Variants in PIK3C2G observed in about 807,000 individuals in gnomAD.
The protein encoded by PIK3C2G is phosphatidylinositol 3-kinase C2 domain-containing subunit gamma.
In PIK3C2G, 168 loss-of-function variants were observed where a neutral mutation model predicts 181.1. The observed-to-expected ratio is 0.93, with a 90% CI of 0.82 to 1.05. PIK3C2G has a LOEUF of 1.05. Among genes scored for constraint, PIK3C2G ranks in the 50% least tolerant of loss-of-function variants. The pLI, the probability that PIK3C2G is intolerant of heterozygous loss-of-function variation, is 0.00. For missense variants in PIK3C2G, 1,869 were observed against 1,732.8 expected, an observed-to-expected ratio of 1.08 and a Z score of -1.40; for synonymous variants, 573 against 592.2, an observed-to-expected ratio of 0.97 and a Z score of 0.47.
intron 5 of PIK3C2G, among the ~76,000 whole-genome samples, chr12:18,294,625 C>A (rs1949854926): frequency 6.6e-6 from 1 of 151,918 alleles, no homozygotes; most frequent in South Asian, 2.1e-4. Flanking sequence ...AAAAAATCAT[C>A]TTTTAGTTTA....
intron 16 of PIK3C2G, among the ~76,000 whole-genome samples, chr12:18,412,681 T>A (rs768765099): frequency 6.6e-6 from 1 of 152,248 alleles, no homozygotes; most frequent in Non-Finnish European, 1.5e-5. Context: ...CTGAATTTAT[T>A]TCTAATATAA....
intron 31 of PIK3C2G, among the ~76,000 whole-genome samples, chr12:18,629,706 C>G (rs1430706681): frequency 6.6e-6 from 1 of 152,106 alleles, no homozygotes; most frequent in Non-Finnish European, 1.5e-5. Context: ...GACATGATTA[C>G]TCCTGATTAG....
At chr12:18,562,427 G>A (rs1945399959) in intron 26 of PIK3C2G, among the ~76,000 whole-genome samples, 1 of 152,094 alleles carries the variant, frequency 6.6e-6, no homozygotes, top group African/African-American at 2.4e-5. Flanking sequence ...CCACCGCGCC[G>A]GGCCACAACA....
chr12:18,274,958 T>A (rs1379388392), intron 1 of PIK3C2G, among the ~76,000 whole-genome samples: 1 of 152,206 alleles, frequency 6.6e-6, no homozygotes, highest in Non-Finnish European at 1.5e-5. Context: ...ATATATTTAA[T>A]TCTCACCAAC....
the PIK3C2G span, among the ~76,000 whole-genome samples, chr12:18,687,842 AT>A: frequency 1.2e-4 from 18 of 151,976 alleles, no homozygotes; most frequent in East Asian, 1.6e-3. Context: ...AAAGAGGTAA[AT>A]TTTTTTTAAG....
the PIK3C2G span, among the ~76,000 whole-genome samples, chr12:18,675,085 A>T: frequency 2.0e-5 from 3 of 152,198 alleles, no homozygotes; most frequent in Non-Finnish European, 4.4e-5. Flanking sequence ...GCTATTGAGC[A>T]CTGGAAATGT....
chr12:18,313,066 C>A (rs1269492381), intron 5 of PIK3C2G, among the ~76,000 whole-genome samples: 1 of 151,944 alleles, frequency 6.6e-6, no homozygotes, highest in Non-Finnish European at 1.5e-5. Flanking sequence ...ATTTAAGGTC[C>A]TTTAAACAAT....
chr12:18,674,397 A>G, the PIK3C2G span, among the ~76,000 whole-genome samples: 1 of 115,648 alleles, frequency 8.6e-6, no homozygotes, highest in African/African-American at 2.7e-5. Flanking sequence ...GAGATTTATG[A>G]CAGTGGAAGC....
At chr12:18,610,050 A>G (rs2136599596) in intron 31 of PIK3C2G, among the ~76,000 whole-genome samples, 1 of 152,204 alleles carries the variant, frequency 6.6e-6, no homozygotes, top group South Asian at 2.1e-4. Context: ...ATCTGTAGTT[A>G]GCCTCCAAAG....
At chr12:18,357,955 A>G (rs1321075889) in intron 11 of PIK3C2G, among the ~76,000 whole-genome samples, 1 of 152,204 alleles carries the variant, frequency 6.6e-6, no homozygotes. Flanking sequence ...TGAATAATAT[A>G]TCATTGTATG....
the PIK3C2G span, among the ~76,000 whole-genome samples, chr12:18,667,509 G>A: frequency 6.6e-6 from 1 of 152,112 alleles, no homozygotes; most frequent in Non-Finnish European, 1.5e-5. Flanking sequence ...TGCTCTATAA[G>A]CTAGAGTTTG....
rs1353360592 is a variant in PIK3C2G at position 18,338,447 on chromosome 12, G to T, written c.1294G>T (p.Glu432Ter). Reference sequence around the variant, plus strand: ...ACAGGAAAACGTGTATAATATTATTGAAGAAGTTAAAAAAATATGCAGTGT... The same window carrying T: ...ACAGGAAAACGTGTATAATATTATTTAAGAAGTTAAAAAAATATGCAGTGT... ...KTQENVYNII[E>*]EVKKICSVLG... The change falls in exon 9 of 33, where the codon GAA becomes TAA. Residue 432 changes from glutamate to a stop codon, truncating the protein, a stop_gained. Coordinates refer to ENST00000538779, the MANE Select transcript of PIK3C2G (RefSeq NM_001288772.2). LOFTEE classifies it high-confidence loss of function. 6.4e-7 allele frequency: 1 copy of T among 1,570,244 alleles called. No homozygotes were observed. The highest frequency in any genetic ancestry group is 8.7e-7 in the Non-Finnish European group (1 of 1,143,306).
At chr12:18,255,000 G>A (rs1191888748) in intron 1 of PIK3C2G, among the ~76,000 whole-genome samples, 2 of 151,876 alleles carry the variant, frequency 1.3e-5, no homozygotes, top group Non-Finnish European at 2.9e-5. Context: ...AGGCTGAGAC[G>A]GGCAGATCAC....
intron 31 of PIK3C2G, among the ~76,000 whole-genome samples, chr12:18,617,629 T>C (rs1405443964): frequency 6.6e-6 from 1 of 152,162 alleles, no homozygotes; most frequent in Non-Finnish European, 1.5e-5. Context: ...TTTTCTGCTA[T>C]GTACCTCTAG....
intron 13 of PIK3C2G, among the ~76,000 whole-genome samples, chr12:18,375,019 C>T (rs1339085261): frequency 6.6e-6 from 1 of 152,198 alleles, no homozygotes; most frequent in Non-Finnish European, 1.5e-5. Context: ...TCAGGTATTT[C>T]CTTACAGCAA....
chr12:18,273,716 G>A (rs374317981), intron 1 of PIK3C2G, among the ~76,000 whole-genome samples: 6 of 152,128 alleles, frequency 3.9e-5, no homozygotes, highest in African/African-American at 1.4e-4. Context: ...AGGAAACCTA[G>A]GCAATACCAT....
chr12:18,711,321 G>C, the PIK3C2G span, among the ~76,000 whole-genome samples: 1 of 142,348 alleles, frequency 7.0e-6, no homozygotes, highest in Admixed American at 7.3e-5. Flanking sequence ...ACTCATAGGT[G>C]GGAATTGAAC....
chr12:18,289,644 C>A (rs1949602949), intron 3 of PIK3C2G, among the ~76,000 whole-genome samples: 1 of 152,254 alleles, frequency 6.6e-6, no homozygotes, highest in South Asian at 2.1e-4. Context: ...GAACCCTCCA[C>A]AGATCTACTG....
chr12:18,247,575 T>C (rs533322218), upstream of PIK3C2G: 2 of 152,256 alleles, frequency 1.3e-5, no homozygotes, highest in African/African-American at 2.4e-5. Flanking sequence ...CTGATTTACA[T>C]AGGGCTCACA....
Sources: allele counts gnomAD v4.1 joint callset (sites outside exome capture counted in the v4.1 genomes callset), GRCh38; gene constraint gnomAD v4.1.1; transcripts MANE v1.5; gene names NCBI Gene and HGNC (gene_info 2026-07-23, HGNC 2026-07-21).